Variants in PCK2 observed in about 807,000 individuals in gnomAD.
PCK2 encodes phosphoenolpyruvate carboxykinase 2, mitochondrial.
PCK2 carries 56 observed loss-of-function variants against 65.9 expected under a neutral mutation model. The ratio of observed to expected loss-of-function variants is 0.85; its 90% CI spans 0.69 to 1.06. The LOEUF (loss-of-function observed/expected upper bound fraction) is 1.06. Ranked by LOEUF, PCK2 falls within the 50% of genes least tolerant of loss-of-function variation. The pLI, the probability that PCK2 is intolerant of heterozygous loss-of-function variation, is 0.00. For synonymous variants in PCK2, 305 were observed against 319.6 expected (o/e 0.95, Z 0.49); for missense variants, 843 against 863.1 (o/e 0.98, Z 0.29).
At position 24,094,498 on chromosome 14, in the gene PCK2, C is replaced by T; in HGVS notation, c.29+64C>T. 3 of 1,473,042 alleles carry T rather than the reference C, an allele frequency of 2.0e-6. No homozygotes were observed. Among genetic ancestry groups the T allele is most frequent in the Non-Finnish European group, 2.7e-6 (3 of 1,119,654 alleles). 91.2% of individuals were successfully genotyped at this position (1,473,042 alleles called of 1,614,324 possible). A position where few individuals can be genotyped will look rare whatever the true frequency, so the allele number is the denominator to read the frequency against. On this transcript the variant is annotated intron_variant, in intron 1 of 9. Transcript: ENST00000216780. This position sits in a 1 kb window ranked among gnomAD's most constrained non-coding sequence, Gnocchi z 4.1. ...GCTGCGCTCGCCCCCTCGGGGCTGC[C>T]AGTGGCGCTCTCCTGCTCTCAGCCT...
At position 24,103,748 on chromosome 14, in the gene PCK2, A is replaced by G; in HGVS notation, c.1707A>G (p.Arg569=). The change falls in exon 10 of 10, where the codon CGA becomes CGG. Residue 569 remains arginine (R), a synonymous_variant. Transcript: ENST00000216780. ...CRRLEGEDSA[R]ETPIGLVPKE... ...GGTTAGAGGGGGAGGACAGTGCCCG[A>G]GAGACACCCATTGGGCTGGTGCCAA... is the stretch of plus-strand genomic sequence containing the variant. The G allele has an allele frequency of 6.2e-7, 1 of 1,614,174 alleles. No homozygotes were observed. Among genetic ancestry groups the G allele is most frequent in the Non-Finnish European group, 8.5e-7 (1 of 1,180,038 alleles).
chr14:24,096,903 ATGGGCTGAGCCCCT>A lies in PCK2; in HGVS notation c.49_62del (p.Ser17AlafsTer5), dbSNP rs2138938823. ...TGTTTCTCCTATAGGCTTAACTGGC[ATGGGCTGAGCCCCT>A]TGGGCTGGCCATCATGCCGTAGCAT... On this transcript the variant is annotated frameshift_variant, in exon 2 of 10. Transcript: ENST00000216780. LOFTEE classifies it high-confidence loss of function. The A allele has an allele frequency of 1.2e-6, 2 of 1,613,442 alleles. No homozygotes were observed. The highest frequency in any genetic ancestry group is 4.5e-5 in the East Asian group (2 of 44,872).
rs868379517 is a variant in PCK2, at chr14:24,094,421, C to T, written c.16C>T (p.Arg6Cys). The T allele has an allele frequency of 1.3e-6, 2 of 1,558,104 alleles. No individual in the cohort carries two copies. The highest frequency in any genetic ancestry group is 2.4e-5 in the East Asian group (1 of 41,138). MAALYRPGLRLNWHGL... is the reference protein window; with the variant it reads MAALYCPGLRLNWHGL... ...CCCAGGTGCCATGGCCGCATTGTAC[C>T]GCCCTGGCCTGCGGTGAGTGACCCC... The change falls in exon 1 of 10, where the codon CGC becomes TGC. Residue 6 changes from arginine to cysteine, a missense_variant. Arg to Cys is a radical substitution (Grantham distance 180). Transcript: ENST00000216780. This position sits in a 1 kb window ranked among gnomAD's most constrained non-coding sequence, Gnocchi z 4.1.
At chr14:24,097,754 C>G (rs1013367178) in intron 2 of PCK2, among the ~76,000 whole-genome samples, 7 of 151,924 alleles carry the variant, frequency 4.6e-5, no homozygotes, top group African/African-American at 1.7e-4. Context: ...CCACCACACC[C>G]AGCTGATTTT....
At chr14:24,101,671 C>T (rs1410517235) in intron 7 of PCK2, among the ~76,000 whole-genome samples, 1 of 152,172 alleles carries the variant, frequency 6.6e-6, no homozygotes, top group Non-Finnish European at 1.5e-5. Flanking sequence ...ATCTGTAATC[C>T]CAGCACTTTG....
At chr14:24,098,968 T>C in intron 4 of PCK2, 81 bp from the exon 5 acceptor site, 4 of 1,112,432 alleles carry the variant, frequency 3.6e-6, no homozygotes, top group African/African-American at 1.5e-5. Flanking sequence ...GTGTCTCTCC[T>C]GCCAATCCCT....
At chr14:24,102,705 G>A (rs1160734204) in intron 7 of PCK2, 48 bp from the exon 8 acceptor site, 2 of 1,561,244 alleles carry the variant, frequency 1.3e-6, no homozygotes, top group Non-Finnish European at 1.8e-6. Flanking sequence ...TGTGTGTTGG[G>A]GGTCGACATG....
In PCK2 at chr14:24,098,651, T is replaced by C. The variant is rs1419567657; in HGVS notation, c.637T>C (p.Ser213Pro). 6.2e-7 allele frequency: 1 copy of C among 1,613,946 alleles called. No individual in the cohort carries two copies. The highest frequency in any genetic ancestry group is 1.7e-5 in the Admixed American group (1 of 60,022). The change falls in exon 4 of 10, where the codon TCC becomes CCC. Residue 213 changes from serine (S) to proline (P), a missense_variant. Ser to Pro is a moderately conservative substitution (Grantham distance 74, BLOSUM62 -1). Coordinates refer to ENST00000216780, the MANE Select transcript of PCK2 (RefSeq NM_004563.4). ...TGGTGACTTTGTCAAGTGTCTGCAC[T>C]CCGTGGGCCAGCCCCTGACAGGACA... ...GDGDFVKCLH[S>P]VGQPLTGQGE...
intron 7 of PCK2, among the ~76,000 whole-genome samples, chr14:24,102,253 C>T: frequency 6.6e-6 from 1 of 152,116 alleles, no homozygotes; most frequent in East Asian, 1.9e-4. Flanking sequence ...AAATAAATTC[C>T]TATTTGCATT....
intron 7 of PCK2, among the ~76,000 whole-genome samples, chr14:24,100,831 C>T (rs2037134161): frequency 6.6e-6 from 1 of 152,184 alleles, no homozygotes; most frequent in Admixed American, 6.5e-5. Flanking sequence ...AAAATCAGGT[C>T]AGTGCTTGAG....
intron 8 of PCK2, 104 bp from the exon 9 acceptor site, chr14:24,103,056 A>G (rs2037227755): frequency 8.4e-7 from 1 of 1,194,738 alleles, no homozygotes; most frequent in South Asian, 1.3e-5. Flanking sequence ...AAAATGGGAT[A>G]GCCGAGGTCT....
In PCK2 at chr14:24,098,270, T is replaced by C. The variant is rs1432557739; in HGVS notation, c.343T>C (p.Ser115Pro). 4 of 1,613,906 alleles carry C rather than the reference T, an allele frequency of 2.5e-6. No homozygotes were observed. The highest frequency in any genetic ancestry group is 1.7e-5 in the Admixed American group (1 of 59,974). ...VESKTVIVTP[S>P]QRDTVPLPPG... ...GAGCAAGACGGTGATTGTAACTCCT[T>C]CTCAGCGGGACACGGTACCACTCCC... The change falls in exon 3 of 10, where the codon TCT (serine) becomes CCT (proline). Residue 115 changes from serine (S) to proline (P), a missense_variant. By Grantham distance (74) the Ser-to-Pro change is moderately conservative. Transcript: ENST00000216780.
intron 7 of PCK2, chr14:24,100,603 C>G (rs1458268924): frequency 9.4e-7 from 1 of 1,063,044 alleles, no homozygotes; most frequent in East Asian, 6.7e-5. Flanking sequence ...AAAGGAAGGA[C>G]TTTTGAACAT....
rs768693495 is a variant in PCK2 at position 24,094,677 on chromosome 14, G to A, written c.29+243G>A. 37 of 1,516,654 alleles carry A rather than the reference G, an allele frequency of 2.4e-5. No individual in the cohort carries two copies. The highest frequency in any genetic ancestry group is 3.1e-5 in the Non-Finnish European group (35 of 1,134,746). The allele number at this position is 1,516,654 out of a possible 1,614,324, so 93.9% of individuals were successfully genotyped here. On this transcript the variant is annotated intron_variant, in intron 1 of 9. Transcript: ENST00000216780. The surrounding 1 kb of genome is among the most constrained non-coding windows in gnomAD (Gnocchi z 4.1). ...CTGCCTCGCTCGCCTCTGACCGCGCGATCTCTATCTGCCACTCTCAGAACT... is the reference window on the plus strand; with the variant it reads ...CTGCCTCGCTCGCCTCTGACCGCGCAATCTCTATCTGCCACTCTCAGAACT...
chr14:24,094,477 C>T lies in PCK2; in HGVS notation c.29+43C>T, dbSNP rs905031686. 10 of 1,494,702 alleles carry T rather than the reference C, an allele frequency of 6.7e-6. No individual in the cohort carries two copies. In the African/African-American group the frequency reaches 1.0e-4, roughly 15 times the overall value. The allele number at this position is 1,494,702 out of a possible 1,614,324, so 92.6% of individuals were successfully genotyped here. On this transcript the variant is annotated intron_variant, in intron 1 of 9. Coordinates refer to ENST00000216780, the MANE Select transcript of PCK2 (RefSeq NM_004563.4). The surrounding 1 kb of genome is among the most constrained non-coding windows in gnomAD (Gnocchi z 4.1). Reference sequence around the variant, plus strand: ...CGGGGCCCACCCGCACCTTCCGCTGCGCTCGCCCCCTCGGGGCTGCCAGTG... The same window carrying T: ...CGGGGCCCACCCGCACCTTCCGCTGTGCTCGCCCCCTCGGGGCTGCCAGTG...
intron 1 of PCK2, chr14:24,095,291 T>G (rs2036818694): frequency 2.2e-6 from 1 of 451,818 alleles, no homozygotes; most frequent in Non-Finnish European, 4.4e-6. Context: ...TGAGCCAGGC[T>G]CCAGGGAGAG....
In PCK2 at chr14:24,099,069, C is replaced by G; in HGVS notation, c.685C>G (p.Pro229Ala). ...TGQGEPVSQWPCNPEKTLIGH... is the reference protein window; with the variant it reads ...TGQGEPVSQWACNPEKTLIGH... Reference sequence around the variant, plus strand: ...CCCAGGGGAGCCAGTGAGCCAGTGGCCGTGCAACCCAGAGAAAACCCTGAT... The same window carrying G: ...CCCAGGGGAGCCAGTGAGCCAGTGGGCGTGCAACCCAGAGAAAACCCTGAT... Residue 229 changes from proline (P) to alanine (A), a missense_variant, in exon 5 of 10, where the codon CCG becomes GCG. Physicochemically the swap from Pro to Ala is conservative, Grantham distance 27 (BLOSUM62 -1). Coordinates refer to ENST00000216780, the MANE Select transcript of PCK2 (RefSeq NM_004563.4). 3 of 1,603,370 alleles carry G rather than the reference C, an allele frequency of 1.9e-6. No homozygotes were observed. Among genetic ancestry groups the G allele is most frequent in the Non-Finnish European group, 2.6e-6 (3 of 1,171,904 alleles).
At position 24,099,169 on chromosome 14, in the gene PCK2, AG is replaced by A; in HGVS notation, c.786del (p.Lys262AsnfsTer23). The A allele has an allele frequency of 6.2e-7, 1 of 1,610,266 alleles. No individual in the cohort carries two copies. Among genetic ancestry groups the A allele is most frequent in the South Asian group, 1.1e-5 (1 of 91,082 alleles). On this transcript the variant is annotated frameshift_variant, in exon 5 of 10. Transcript: ENST00000216780. LOFTEE classifies it high-confidence loss of function. ...GYGGNSLLGK[K>X]CFALRIASRL... ...GGTGGCAACTCCCTGCTGGGCAAGA[AG>A]TGCTTTGCCCTACGCATCGCCTCTC...
rs944404119 is a variant in PCK2, at chr14:24,099,224, A to G, written c.840A>G (p.Ala280=). 1.4e-5 allele frequency: 23 copies of G among 1,595,444 alleles called. 1 individual carries two copies. In the African/African-American group the frequency reaches 1.7e-4, roughly 12 times the overall value. The change falls in exon 5 of 10, where the codon GCA becomes GCG. Residue 280 remains alanine, a synonymous_variant. Coordinates refer to ENST00000216780, the MANE Select transcript of PCK2 (RefSeq NM_004563.4). Reference sequence around the variant, plus strand: ...TGGCCCGGGATGAGGGCTGGCTGGCAGAGCACATGCTGGTGAGGGCCTGGT... The same window carrying G: ...TGGCCCGGGATGAGGGCTGGCTGGCGGAGCACATGCTGGTGAGGGCCTGGT... ...SRLARDEGWL[A]EHMLILGITS...
Sources: gnomAD v4.1 joint callset for allele counts (sites outside exome capture counted in the v4.1 genomes callset) on GRCh38, gnomAD v4.1.1 for gene constraint, Gnocchi (gnomAD v3.1) non-coding constraint, MANE v1.5 for transcripts, NCBI Gene and HGNC (gene_info 2026-07-23, HGNC 2026-07-21) for gene names.